Variants in NAALADL2 observed in about 807,000 individuals in gnomAD.
The protein encoded by NAALADL2 is N-acetylated alpha-linked acidic dipeptidase like 2.
NAALADL2 carries 76 observed loss-of-function variants against 87.2 expected under a neutral mutation model. That is an observed-to-expected ratio of 0.87 (90% CI 0.72 to 1.05). The LOEUF (loss-of-function observed/expected upper bound fraction) is 1.05. Ranked by LOEUF, NAALADL2 falls within the 50% of genes least tolerant of loss-of-function variation. NAALADL2 has a pLI of 0.00. For missense variants in NAALADL2, 1,089 were observed against 945.8 expected (o/e 1.15, Z -1.99); for synonymous variants, 354 against 331.0 (o/e 1.07, Z -0.75).
At chr3:174,983,980 T>C (rs952037301) in intron 1 of NAALADL2, among the ~76,000 whole-genome samples, 1 of 152,142 alleles carries the variant, frequency 6.6e-6, no homozygotes, top group African/African-American at 2.4e-5. Context: ...ATAGCTTTCC[T>C]CTCCACTTCA....
intron 1 of NAALADL2, among the ~76,000 whole-genome samples, chr3:174,949,105 C>T (rs1739930480): frequency 1.3e-5 from 2 of 152,110 alleles, no homozygotes; most frequent in African/African-American, 4.8e-5. Context: ...AATCATCTCC[C>T]AAAGATCCCA....
intron 9 of NAALADL2, among the ~76,000 whole-genome samples, chr3:175,480,188 T>TA (rs1348223631): frequency 6.6e-6 from 1 of 151,858 alleles, no homozygotes; most frequent in African/African-American, 2.4e-5. Flanking sequence ...ATTTATAGTT[T>TA]ATCTATATTG....
rs74568521 is a variant in NAALADL2 at position 174,716,716 on chromosome 3, A to G, written c.-114-20925A>G. ...GTGTACAGGCTGGACATGTGTGTATATACATATATATCCACACACCTACAC... is the reference window on the plus strand; with the variant it reads ...GTGTACAGGCTGGACATGTGTGTATGTACATATATATCCACACACCTACAC... On this transcript the variant is annotated intron_variant, in intron 2 of 3. Coordinates refer to the NAALADL2 transcript ENST00000434257. Among the ~76,000 whole-genome samples the G allele has an allele frequency of 6.2e-3, 938 of 152,190 alleles. 6 individuals are homozygous for G. Among genetic ancestry groups the G allele is most frequent in the African/African-American group, 0.021 (892 of 41,538 alleles).
At chr3:175,380,139 T>G (rs1767621031) in intron 5 of NAALADL2, among the ~76,000 whole-genome samples, 1 of 152,070 alleles carries the variant, frequency 6.6e-6, no homozygotes, top group South Asian at 2.1e-4. Context: ...ACATGGCACA[T>G]GTATGCATAT....
intron 2 of NAALADL2, among the ~76,000 whole-genome samples, chr3:174,636,813 T>C (rs984027069): frequency 3.3e-5 from 5 of 152,132 alleles, no homozygotes; most frequent in African/African-American, 1.2e-4. Context: ...GAAATCCTAC[T>C]ACTAGGTATT....
rs114873787 is a variant in NAALADL2, at chr3:175,727,263, G to A, written c.1897-10043G>A. ...AGGCATGGTGGTGACTGAAACAGCA[G>A]TTTCTCAGCACGCTGAGAGAAAAGA... On this transcript the variant is annotated intron_variant, in intron 11 of 13. Transcript: ENST00000454872. Among the ~76,000 whole-genome samples, 1,516 of 152,224 alleles carry A rather than the reference G, an allele frequency of 1.0e-2. 18 individuals carry two copies. The highest frequency in any genetic ancestry group is 0.034 in the African/African-American group (1,421 of 41,522).
chr3:175,481,846 A>G (rs1020130974), intron 9 of NAALADL2, among the ~76,000 whole-genome samples: 1 of 151,988 alleles, frequency 6.6e-6, no homozygotes, highest in Non-Finnish European at 1.5e-5. Context: ...ACACAGAACT[A>G]TATATTATAC....
At chr3:175,111,804 G>A (rs138230854) in intron 2 of NAALADL2, among the ~76,000 whole-genome samples, 1 of 151,508 alleles carries the variant, frequency 6.6e-6, no homozygotes, top group Non-Finnish European at 1.5e-5. Context: ...TCCCTGTAGT[G>A]CCAGTACTAT....
At chr3:174,569,165 C>T (rs925178124) in intron 2 of NAALADL2, among the ~76,000 whole-genome samples, 47 of 151,734 alleles carry the variant, frequency 3.1e-4, no homozygotes, top group African/African-American at 9.9e-4. Flanking sequence ...GATTAGCTAA[C>T]AAAAGTTGCA....
intron 12 of NAALADL2, among the ~76,000 whole-genome samples, chr3:175,752,410 A>G (rs112652577): frequency 2.0e-5 from 3 of 152,240 alleles, no homozygotes; most frequent in African/African-American, 7.2e-5. Flanking sequence ...TAAGAAGCAT[A>G]AAAGATGAAT....
intron 2 of NAALADL2, among the ~76,000 whole-genome samples, chr3:175,110,140 T>A (rs1176366494): frequency 6.6e-6 from 1 of 151,848 alleles, no homozygotes; most frequent in Non-Finnish European, 1.5e-5. Context: ...AGAACTCTTA[T>A]GGTACGAATA....
intron 1 of NAALADL2, among the ~76,000 whole-genome samples, chr3:175,060,967 A>T (rs991867103): frequency 2.6e-5 from 4 of 152,016 alleles, no homozygotes; most frequent in African/African-American, 9.7e-5. Context: ...AATGGCTTGA[A>T]CCCGGGAGGT....
intron 1 of NAALADL2, among the ~76,000 whole-genome samples, chr3:174,482,517 TAATTC>T (rs1697470717): frequency 1.3e-5 from 2 of 152,070 alleles, no homozygotes; most frequent in South Asian, 4.1e-4. Flanking sequence ...CTAAAGAACT[TAATTC>T]AAGCATAATA....
chr3:174,689,863 G>A (rs1030738651), intron 2 of NAALADL2, among the ~76,000 whole-genome samples: 1 of 151,982 alleles, frequency 6.6e-6, no homozygotes, highest in African/African-American at 2.4e-5. Context: ...CAAGAGTAAA[G>A]CTATTCATTA....
chr3:174,497,495 C>T (rs951176685), intron 1 of NAALADL2, among the ~76,000 whole-genome samples: 4 of 152,030 alleles, frequency 2.6e-5, no homozygotes, highest in African/African-American at 9.7e-5. Flanking sequence ...AGAAACCTTT[C>T]ATTACTTATC....
chr3:174,863,051 G>GA (rs1560297567), intron 1 of NAALADL2, among the ~76,000 whole-genome samples: 1 of 151,964 alleles, frequency 6.6e-6, no homozygotes, highest in Non-Finnish European at 1.5e-5. Context: ...TCACAGTTAG[G>GA]AAAAAATAAT....
intron 9 of NAALADL2, among the ~76,000 whole-genome samples, chr3:175,497,947 CAATT>C (rs140382051): frequency 2.0e-5 from 3 of 152,078 alleles, no homozygotes; most frequent in East Asian, 1.9e-4. Flanking sequence ...AAAAACCACT[CAATT>C]AATGTTAGTG....
At chr3:175,448,690 A>C (rs1721072930) in intron 6 of NAALADL2, among the ~76,000 whole-genome samples, 1 of 151,904 alleles carries the variant, frequency 6.6e-6, no homozygotes, top group African/African-American at 2.4e-5. Flanking sequence ...TCTTTTTTAA[A>C]ATTTTTTTGT....
rs1167403638 is a variant in NAALADL2, at chr3:175,498,641, T to G, written c.1653+26883T>G. 4.6e-5 allele frequency among the ~76,000 whole-genome samples: 7 copies of G among 152,240 alleles called. No homozygotes were observed. The East Asian group carries it at 1.3e-3, about 29-fold the overall frequency. On this transcript the variant is annotated intron_variant, in intron 9 of 13. Coordinates refer to ENST00000454872, the MANE Select transcript of NAALADL2 (RefSeq NM_207015.3). ...TGCTTTCTAATCTCTACATGACTAT[T>G]ATGAACAGATCTACTTAAGAGTTGG...
Sources: gnomAD v4.1 joint callset for allele counts (sites outside exome capture counted in the v4.1 genomes callset) on GRCh38, gnomAD v4.1.1 for gene constraint, MANE v1.5 for transcripts, NCBI Gene and HGNC (gene_info 2026-07-23, HGNC 2026-07-21) for gene names.